The following HIBCH variants were observed in gnomAD, a reference collection of about 807,000 sequenced individuals.
HIBCH encodes the protein 3-hydroxyisobutyryl-CoA hydrolase, mitochondrial.
A neutral mutation model predicts 58.2 loss-of-function variants in HIBCH; 50 were observed. That is an observed-to-expected ratio of 0.86 (90% CI 0.68 to 1.09). The LOEUF is 1.09. HIBCH is among the 50% of genes least tolerant of loss of function. The pLI, the probability that HIBCH is intolerant of heterozygous loss-of-function variation, is 0.00. For synonymous variants in HIBCH, 151 were observed against 146.9 expected (o/e 1.03, Z -0.20); for missense variants, 450 against 449.7 (o/e 1.00, Z -0.01).
chr2:190,306,672 T>G lies in HIBCH; in HGVS notation c.78+4082A>C, dbSNP rs900400712. ...AATCCAAGAGTGTCACGTCTTCTGCTAGCACCCATGAAATATTAAGAAGCT... is the reference window on the plus strand; with the variant it reads ...AATCCAAGAGTGTCACGTCTTCTGCGAGCACCCATGAAATATTAAGAAGCT... On this transcript the variant is annotated intron_variant, in intron 2 of 13. Transcript: ENST00000359678. The surrounding 1 kb of genome is among the most constrained non-coding windows in gnomAD (Gnocchi z 4.6). Among the ~76,000 whole-genome samples, 7 of 152,188 alleles carry G rather than the reference T, an allele frequency of 4.6e-5. No individual in the cohort carries two copies. The highest frequency in any genetic ancestry group is 1.7e-4 in the African/African-American group (7 of 41,436).
intron 11 of HIBCH, among the ~76,000 whole-genome samples, chr2:190,220,938 C>T (rs1334939668): frequency 6.6e-6 from 1 of 152,142 alleles, no homozygotes; most frequent in Non-Finnish European, 1.5e-5. Context: ...TTATGGTTTA[C>T]TGCTTATGGT....
intron 6 of HIBCH, among the ~76,000 whole-genome samples, chr2:190,284,876 T>C (rs1240015514): frequency 6.6e-6 from 1 of 152,186 alleles, no homozygotes; most frequent in Non-Finnish European, 1.5e-5. Context: ...TTGGGAGTAT[T>C]TGTTTTTACT....
At chr2:190,191,932 G>GT (rs80140700) in intron 1 of HIBCH, among the ~76,000 whole-genome samples, 25 of 147,684 alleles carry the variant, frequency 1.7e-4, no homozygotes, top group East Asian at 6.0e-4. Flanking sequence ...TTTTAACTGT[G>GT]TTTTTTTTTC....
chr2:190,200,053 C>CT (rs751693897), downstream of HIBCH: 5 of 1,614,098 alleles, frequency 3.1e-6, no homozygotes, highest in Non-Finnish European at 4.2e-6. Context: ...TGCACACCGC[C>CT]TGTCTCAGGA....
Position 190,213,088 on chromosome 2 carries a change from A to G in HIBCH, c.892-13T>C, listed in dbSNP as rs751370130. ...TTTTATTAATTACCTTTTGGAGGAA[A>G]AAATTTACTACTGTTAGTCCAATAG... is the stretch of plus-strand genomic sequence containing the variant. On this transcript the variant is annotated splice_polypyrimidine_tract_variant and intron_variant, in intron 11 of 13. Coordinates refer to ENST00000359678, the MANE Select transcript of HIBCH (RefSeq NM_014362.4). 30 of 1,580,848 alleles carry G rather than the reference A, an allele frequency of 1.9e-5. No homozygotes were observed. Among genetic ancestry groups the G allele is most frequent in the African/African-American group, 2.7e-5 (2 of 74,206 alleles).
At position 190,211,408 on chromosome 2, in the gene HIBCH, C is replaced by T. The variant is rs1690509999; in HGVS notation, c.1011+1548G>A. Among the ~76,000 whole-genome samples the T allele has an allele frequency of 6.6e-6, 1 of 152,194 alleles. No homozygotes were observed. Among genetic ancestry groups the T allele is most frequent in the Non-Finnish European group, 1.5e-5 (1 of 68,032 alleles). On this transcript the variant is annotated intron_variant, in intron 12 of 13. Transcript: ENST00000359678. The surrounding 1 kb of genome is among the most constrained non-coding windows in gnomAD (Gnocchi z 5.0). Reference sequence around the variant, plus strand: ...CTACTATTTCACACCTGGATCACTGCAGGAAATCTATATCTGGTCTCTAAA... The same window carrying T: ...CTACTATTTCACACCTGGATCACTGTAGGAAATCTATATCTGGTCTCTAAA...
intron 7 of HIBCH, among the ~76,000 whole-genome samples, chr2:190,258,665 T>C (rs1416125300): frequency 6.6e-6 from 1 of 152,234 alleles, no homozygotes; most frequent in Non-Finnish European, 1.5e-5. Context: ...TGCCTGAGCT[T>C]TTGGCGTCAA....
At chr2:190,238,692 T>C (rs1423015070) in intron 11 of HIBCH, among the ~76,000 whole-genome samples, 2 of 152,232 alleles carry the variant, frequency 1.3e-5, no homozygotes, top group African/African-American at 4.8e-5. Context: ...CCTGAACTCC[T>C]GACCTCGTGA....
chr2:190,231,768 A>C (rs1575709492), intron 11 of HIBCH, among the ~76,000 whole-genome samples: 1 of 152,258 alleles, frequency 6.6e-6, no homozygotes, highest in Non-Finnish European at 1.5e-5. Context: ...AAGGAGAAGA[A>C]GGAATAAAGG....
intron 6 of HIBCH, among the ~76,000 whole-genome samples, chr2:190,262,752 T>C (rs895731181): frequency 3.3e-5 from 5 of 152,244 alleles, no homozygotes; most frequent in African/African-American, 9.6e-5. Context: ...AACTGATTCA[T>C]TGATTCCATT....
At chr2:190,275,966 A>G (rs73981035) in intron 6 of HIBCH, among the ~76,000 whole-genome samples, 2,006 of 152,316 alleles carry the variant, frequency 0.013, 53 homozygotes, top group African/African-American at 0.045. Context: ...AGAGCTTTCA[A>G]TGGAAATTTT....
rs116305357 is a variant in HIBCH at position 190,286,138 on chromosome 2, G to A, written c.438+1448C>T. 6.9e-3 allele frequency among the ~76,000 whole-genome samples: 1,043 copies of A among 152,198 alleles called. 13 individuals carry two copies. The highest frequency in any genetic ancestry group is 0.022 in the African/African-American group (934 of 41,530). ...ATTACAGGCATCAGCCACGACACCC[G>A]GACTTGAAAGTCATTAAACCCTCAT... On this transcript the variant is annotated intron_variant, in intron 6 of 13. Transcript: ENST00000359678.
rs1690409685 is a variant in HIBCH at position 190,207,078 on chromosome 2, T to C, written c.1045+1802A>G. On this transcript the variant is annotated intron_variant, in intron 13 of 13. Transcript: ENST00000359678. This position sits in a 1 kb window ranked among gnomAD's most constrained non-coding sequence, Gnocchi z 4.5. ...CGGAGTTTGCAGTGAGCCGAGATTTTGCCACTGCTCTCCAGCCTGGGTGAC... is the reference window on the plus strand; with the variant it reads ...CGGAGTTTGCAGTGAGCCGAGATTTCGCCACTGCTCTCCAGCCTGGGTGAC... Among the ~76,000 whole-genome samples, 1 of 152,078 alleles carries C rather than the reference T, an allele frequency of 6.6e-6. No homozygotes were observed.
intron 8 of HIBCH, among the ~76,000 whole-genome samples, chr2:190,251,730 T>C (rs1686779854): frequency 6.7e-6 from 1 of 150,118 alleles, no homozygotes; most frequent in Non-Finnish European, 1.5e-5. Context: ...TTGTAACAGA[T>C]GTGTTTTAGA....
intron 6 of HIBCH, among the ~76,000 whole-genome samples, chr2:190,264,269 T>C (rs1305730393): frequency 6.6e-6 from 1 of 151,262 alleles, no homozygotes; most frequent in Non-Finnish European, 1.5e-5. Flanking sequence ...GGGCTTTCTT[T>C]CTTTTTTCTT....
chr2:190,273,265 C>T (rs184008908), intron 6 of HIBCH, among the ~76,000 whole-genome samples: 211 of 152,136 alleles, frequency 1.4e-3, no homozygotes, highest in Non-Finnish European at 2.3e-3. Context: ...TGGTGGCACG[C>T]GCCTGTAATC....
chr2:190,299,868 T>C (rs576637046), intron 2 of HIBCH, among the ~76,000 whole-genome samples: 1 of 152,270 alleles, frequency 6.6e-6, no homozygotes, highest in African/African-American at 2.4e-5. Flanking sequence ...CCTCTTTGTG[T>C]CCATGTGTTC....
intron 13 of HIBCH, 40 bp downstream of exon 13, chr2:190,208,840 C>G: frequency 6.3e-7 from 1 of 1,580,686 alleles, no homozygotes; most frequent in Non-Finnish European, 8.7e-7. Flanking sequence ...GCTCACAAAT[C>G]CCATTTCCCC....
intron 1 of HIBCH, among the ~76,000 whole-genome samples, chr2:190,192,066 CTTGT>C (rs1689735572): frequency 6.6e-6 from 1 of 151,656 alleles, no homozygotes; most frequent in Non-Finnish European, 1.5e-5. Context: ...GTTTTGTCTT[CTTGT>C]TTTATAGTTT....
Sources: gnomAD v4.1 joint callset for allele counts (sites outside exome capture counted in the v4.1 genomes callset) on GRCh38, gnomAD v4.1.1 for gene constraint, Gnocchi (gnomAD v3.1) non-coding constraint, MANE v1.5 for transcripts, NCBI Gene and HGNC (gene_info 2026-07-23, HGNC 2026-07-21) for gene names.